ACSS2: variants seen among roughly 807,000 people sequenced by gnomAD.
The protein encoded by ACSS2 is acyl-CoA synthetase short chain family member 2.
In ACSS2, 58 loss-of-function variants were observed where a neutral mutation model predicts 90.6. That is an observed-to-expected ratio of 0.64 (90% CI 0.52 to 0.80). The LOEUF is 0.80. Among genes scored for constraint, ACSS2 ranks in the 30% least tolerant of loss-of-function variants. The pLI, the probability that ACSS2 is intolerant of heterozygous loss-of-function variation, is 0.00. For synonymous variants in ACSS2, 300 were observed against 330.9 expected (o/e 0.91, Z 1.01); for missense variants, 759 against 912.0 (o/e 0.83, Z 2.16).
chr20:34,891,251 A>G (rs1468449154), intron 2 of ACSS2, among the ~76,000 whole-genome samples: 5 of 152,318 alleles, frequency 3.3e-5, no homozygotes, highest in Middle Eastern at 6.8e-3. Flanking sequence ...ATGACTTCAG[A>G]CCATTCTCTT....
At chr20:34,896,477 C>T (rs191416624) in intron 2 of ACSS2, among the ~76,000 whole-genome samples, 67 of 152,362 alleles carry the variant, frequency 4.4e-4, no homozygotes, top group African/African-American at 1.5e-3. Context: ...TATCCCCTCT[C>T]CTTCCATACT....
In ACSS2 at chr20:34,921,392, G is replaced by A. The variant is rs761591395; in HGVS notation, c.1340G>A (p.Trp447Ter). ...GGTGAACCCATCAACCCTGAGGCCT[G>A]GCTATGGTACCACCGGGTGGTAGGT... is the stretch of plus-strand genomic sequence containing the variant. ...TVGEPINPEA[W>*]LWYHRVVGAQ... Residue 447 changes from tryptophan (W) to a stop codon, truncating the protein, a stop_gained, in exon 11 of 18, where the codon TGG becomes TAG. Coordinates refer to ENST00000360596, the MANE Select transcript of ACSS2 (RefSeq NM_018677.4). LOFTEE classifies it high-confidence loss of function. 3.1e-6 allele frequency: 5 copies of A among 1,614,112 alleles called. No homozygotes were observed. The African/African-American group carries it at 6.7e-5, about 22-fold the overall frequency.
upstream of ACSS2, chr20:34,876,476 C>T (rs1705082879): frequency 1.5e-6 from 1 of 687,198 alleles, no homozygotes; most frequent in Admixed American, 4.3e-5. Context: ...CCTCCCCAAC[C>T]AGACACGGCC....
At position 34,923,811 on chromosome 20, in the gene ACSS2, C is replaced by A. The variant is rs192380861; in HGVS notation, c.1657+380C>A. On this transcript the variant is annotated intron_variant, in intron 14 of 17. Transcript: ENST00000360596. Reference sequence around the variant, plus strand: ...TTCATGAGGGATCTGTCCCCCCCGCCCCCCCCACCTCCCCGGCCTTGACCA... The same window carrying A: ...TTCATGAGGGATCTGTCCCCCCCGCACCCCCCACCTCCCCGGCCTTGACCA... Among the ~76,000 whole-genome samples the A allele has an allele frequency of 4.1e-3, 568 of 137,972 alleles. 1 individual carries two copies. The highest frequency in any genetic ancestry group is 0.014 in the African/African-American group (541 of 38,414). The allele number at this position is 137,972 out of a possible 152,430, so 90.5% of individuals were successfully genotyped here.
intron 3 of ACSS2, 80 bp from the exon 4 acceptor site, chr20:34,913,313 G>T: frequency 6.4e-7 from 1 of 1,552,370 alleles, no homozygotes; most frequent in Non-Finnish European, 8.9e-7. Flanking sequence ...AGGTCAGCTG[G>T]GAGGGAGGCC....
intron 2 of ACSS2, among the ~76,000 whole-genome samples, chr20:34,906,850 G>A (rs1030880245): frequency 1.3e-5 from 2 of 151,860 alleles, no homozygotes; most frequent in Non-Finnish European, 2.9e-5. Flanking sequence ...AGGTGTGATG[G>A]TGGGTGCCTG....
chr20:34,908,649 G>T (rs772775544), intron 2 of ACSS2: 2 of 206,186 alleles, frequency 9.7e-6, no homozygotes, highest in Non-Finnish European at 2.0e-5. Context: ...ATCACCTGAC[G>T]TCAGGAGTTC....
intron 2 of ACSS2, among the ~76,000 whole-genome samples, chr20:34,902,350 A>T (rs1380935567): frequency 1.3e-5 from 2 of 152,118 alleles, no homozygotes; most frequent in East Asian, 3.8e-4. Flanking sequence ...ACAAATAACA[A>T]AAGAAGTATA....
intron 2 of ACSS2, among the ~76,000 whole-genome samples, chr20:34,893,353 C>G (rs2080382265): frequency 6.6e-6 from 1 of 151,876 alleles, no homozygotes; most frequent in Admixed American, 6.6e-5. Flanking sequence ...AGTCATGCAC[C>G]AACACAATCA....
At chr20:34,921,498 C>T (rs1568999079) in intron 11 of ACSS2, 36 bp downstream of exon 11, 3 of 1,614,190 alleles carry the variant, frequency 1.9e-6, no homozygotes, top group Admixed American at 1.7e-5. Flanking sequence ...GGCCCAGGGA[C>T]AATGTGGGAA....
At chr20:34,903,763 G>A (rs776105340) in intron 2 of ACSS2, among the ~76,000 whole-genome samples, 3 of 151,708 alleles carry the variant, frequency 2.0e-5, no homozygotes, top group Non-Finnish European at 4.4e-5. Context: ...GGAGCTGGGT[G>A]CAGTGGTGCA....
In ACSS2 at chr20:34,927,294, G is replaced by C; in HGVS notation, c.*80G>C. The C allele has an allele frequency of 1.3e-6, 2 of 1,579,018 alleles. No homozygotes were observed. Among genetic ancestry groups the C allele is most frequent in the Non-Finnish European group, 1.7e-6 (2 of 1,162,248 alleles). On this transcript the variant is annotated 3_prime_UTR_variant, in exon 18 of 18. Transcript: ENST00000360596. The surrounding 1 kb of genome is among the most constrained non-coding windows in gnomAD (Gnocchi z 4.2). ...CTTTGCCCCCTCAGGAGTGCTGAGG[G>C]CCAGTGTTGACCCACACTACCCTCC...
chr20:34,886,671 T>G (rs2080201661), intron 2 of ACSS2, among the ~76,000 whole-genome samples: 1 of 152,166 alleles, frequency 6.6e-6, no homozygotes, highest in Non-Finnish European at 1.5e-5. Context: ...TTTTTCTTTT[T>G]GTACTATTTA....
chr20:34,915,465 TAGAG>T (rs1002338014), intron 7 of ACSS2, among the ~76,000 whole-genome samples: 2 of 152,206 alleles, frequency 1.3e-5, no homozygotes, highest in South Asian at 4.1e-4. Flanking sequence ...GTATGGATCT[TAGAG>T]AGGTAACAGC....
chr20:34,904,322 T>C (rs2080745805), intron 2 of ACSS2, among the ~76,000 whole-genome samples: 1 of 151,700 alleles, frequency 6.6e-6, no homozygotes, highest in African/African-American at 2.4e-5. Flanking sequence ...GAATAAGTCA[T>C]GTGGCTATCT....
intron 2 of ACSS2, among the ~76,000 whole-genome samples, chr20:34,906,518 C>A (rs1382617041): frequency 6.6e-6 from 1 of 151,790 alleles, no homozygotes; most frequent in Non-Finnish European, 1.5e-5. Flanking sequence ...AGCCCATAGC[C>A]AAGGAGAGGA....
At chr20:34,915,402 C>T in intron 7 of ACSS2, 1 of 859,782 alleles carries the variant, frequency 1.2e-6, no homozygotes, top group South Asian at 1.4e-5. Context: ...ATCTAAGCCA[C>T]TGAAGGGTGG....
intron 2 of ACSS2, among the ~76,000 whole-genome samples, chr20:34,892,820 T>C (rs1319029250): frequency 6.6e-6 from 1 of 152,194 alleles, no homozygotes; most frequent in East Asian, 1.9e-4. Context: ...CTGTGTTCCC[T>C]GTGAGGTGTG....
At chr20:34,921,958 G>C (rs1337899789) in intron 13 of ACSS2, 92 bp downstream of exon 13, 1 of 1,526,648 alleles carries the variant, frequency 6.6e-7, no homozygotes, top group Non-Finnish European at 8.8e-7. Flanking sequence ...AATCTCTCCT[G>C]GTAGCTGCTT....
Sources: allele counts gnomAD v4.1 joint callset (sites outside exome capture counted in the v4.1 genomes callset), GRCh38; gene constraint gnomAD v4.1.1; non-coding constraint Gnocchi (gnomAD v3.1); transcripts MANE v1.5; gene names NCBI Gene and HGNC (gene_info 2026-07-23, HGNC 2026-07-21).